Variants in NCOA2 observed in about 807,000 individuals in gnomAD.
NCOA2 encodes class E basic helix-loop-helix protein 75.
In NCOA2, 21 loss-of-function variants were observed where a neutral mutation model predicts 145.1. The observed-to-expected ratio is 0.14, with a 90% CI of 0.10 to 0.21. NCOA2 has a LOEUF of 0.21. NCOA2 is among the 10% of genes least tolerant of loss of function. NCOA2 has a pLI of 1.00. For missense variants in NCOA2, 1,472 were observed against 1,837.6 expected, an observed-to-expected ratio of 0.80 and a Z score of 3.64; for synonymous variants, 619 against 637.5, an observed-to-expected ratio of 0.97 and a Z score of 0.44.
rs775096856 is a variant in NCOA2 at position 70,156,005 on chromosome 8, T to C, written c.2360A>G (p.Glu787Gly). The C allele has an allele frequency of 2.5e-6, 4 of 1,595,610 alleles. No homozygotes were observed. The highest frequency in any genetic ancestry group is 1.7e-6 in the Non-Finnish European group (2 of 1,172,706). ...SNTKLIAMKT[E>G]KEEMSFEPGD... ...AGGCTCAAAGCTCATCTCCTCCTTC[T>C]CAGTTTTCATTGCTATTAATTTTGT... The change falls in exon 11 of 23, where the codon GAG (glutamate) becomes GGG (glycine). Residue 787 changes from glutamate to glycine, a missense_variant. By Grantham distance (98) the Glu-to-Gly change is moderately conservative (BLOSUM62 -2). Around this residue, in one of 4 missense-constraint regions of NCOA2, gnomAD observed 953 missense variants for 1,062.1 expected, o/e 0.90. Transcript: ENST00000452400.
At chr8:70,365,597 A>G (rs1810620996) in intron 1 of NCOA2, among the ~76,000 whole-genome samples, 1 of 152,242 alleles carries the variant, frequency 6.6e-6, no homozygotes, top group Admixed American at 6.5e-5. Context: ...CTCCCATCTT[A>G]TAAACTTCTA....
At position 70,387,200 on chromosome 8, in the gene NCOA2, A is replaced by T. The variant is rs1398174623; in HGVS notation, c.-77+16500T>A. On this transcript the variant is annotated intron_variant, in intron 1 of 22. Transcript: ENST00000452400. ...TACCTACTGTAGACAGAGTCTTGCTATGTTGTCAGGCTGCAGTACAGTGGC... is the reference window on the plus strand; with the variant it reads ...TACCTACTGTAGACAGAGTCTTGCTTTGTTGTCAGGCTGCAGTACAGTGGC... 5.9e-5 allele frequency among the ~76,000 whole-genome samples: 9 copies of T among 152,288 alleles called. No individual in the cohort carries two copies. In the South Asian group the frequency reaches 1.7e-3, roughly 28 times the overall value.
chr8:70,196,286 G>C (rs2133387545), intron 4 of NCOA2, among the ~76,000 whole-genome samples: 1 of 152,312 alleles, frequency 6.6e-6, no homozygotes, highest in South Asian at 2.1e-4. Flanking sequence ...TGAGGCACGA[G>C]AATCACTTGA....
chr8:70,161,278 A>C (rs1382018395), intron 9 of NCOA2, among the ~76,000 whole-genome samples: 1 of 152,042 alleles, frequency 6.6e-6, no homozygotes, highest in Non-Finnish European at 1.5e-5. Context: ...AAAGAATTAA[A>C]CTCAGGACCC....
At chr8:70,269,369 T>C (rs1200240323) in intron 2 of NCOA2, among the ~76,000 whole-genome samples, 5 of 152,118 alleles carry the variant, frequency 3.3e-5, no homozygotes, top group African/African-American at 4.8e-5. Context: ...CCCACTGCTT[T>C]GGGAGGCTAA....
At chr8:70,451,217 C>CAAAAAAAAAAAA in the NCOA2 span, among the ~76,000 whole-genome samples, 1 of 65,346 alleles carries the variant, frequency 1.5e-5, no homozygotes, top group African/African-American at 7.2e-5. Flanking sequence ...GACTCCGTCT[C>CAAAAAAAAAAAA]AAAAAAAAAA....
chr8:70,448,893 C>T, the NCOA2 span, among the ~76,000 whole-genome samples: 1 of 151,480 alleles, frequency 6.6e-6, no homozygotes, highest in African/African-American at 2.4e-5. Context: ...CAGCCTTGAT[C>T]TCCTGGACTC....
intron 11 of NCOA2, among the ~76,000 whole-genome samples, chr8:70,154,028 C>A (rs1812034937): frequency 6.6e-6 from 1 of 152,194 alleles, no homozygotes; most frequent in African/African-American, 2.4e-5. Flanking sequence ...TGGAGCCCAG[C>A]TAGAAGAGCA....
intron 22 of NCOA2, among the ~76,000 whole-genome samples, chr8:70,120,381 C>T (rs75308692): frequency 0.031 from 4,694 of 152,274 alleles, 232 homozygotes; most frequent in African/African-American, 0.11. Flanking sequence ...ACTAATTATT[C>T]TACAGTTTCA....
At chr8:70,133,771 G>T (rs776024881) in intron 15 of NCOA2, among the ~76,000 whole-genome samples, 3 of 152,210 alleles carry the variant, frequency 2.0e-5, no homozygotes, top group Non-Finnish European at 4.4e-5. Flanking sequence ...ATGCCATGTG[G>T]TTTTTAAATG....
intron 4 of NCOA2, among the ~76,000 whole-genome samples, chr8:70,210,824 A>G (rs1818941272): frequency 6.6e-6 from 1 of 152,140 alleles, no homozygotes; most frequent in South Asian, 2.1e-4. Context: ...CATGCAACCC[A>G]GTTTAACTTC....
chr8:70,241,191 T>C (rs773592670), intron 2 of NCOA2, among the ~76,000 whole-genome samples: 2 of 152,134 alleles, frequency 1.3e-5, no homozygotes, highest in Non-Finnish European at 2.9e-5. Context: ...GTAAAGGACC[T>C]TGGAAGCAGC....
At chr8:70,217,459 C>T (rs1265296052) in intron 2 of NCOA2, among the ~76,000 whole-genome samples, 4 of 152,080 alleles carry the variant, frequency 2.6e-5, no homozygotes, top group Non-Finnish European at 5.9e-5. Context: ...GTCACTTCCT[C>T]TCTCACATCC....
chr8:70,283,499 G>A (rs925272826), intron 2 of NCOA2, among the ~76,000 whole-genome samples: 2 of 152,120 alleles, frequency 1.3e-5, no homozygotes, highest in African/African-American at 2.4e-5. Context: ...GTGAATTACC[G>A]ACTCACTGAC....
intron 1 of NCOA2, among the ~76,000 whole-genome samples, chr8:70,372,545 T>C (rs1211897731): frequency 6.6e-6 from 1 of 152,220 alleles, no homozygotes; most frequent in Non-Finnish European, 1.5e-5. Context: ...GGTCATATTG[T>C]GTGGCTAGGA....
chr8:70,142,917 T>C (rs1358151352), intron 13 of NCOA2, among the ~76,000 whole-genome samples: 1 of 151,766 alleles, frequency 6.6e-6, no homozygotes, highest in Non-Finnish European at 1.5e-5. Context: ...CAATGATAAA[T>C]GGGAAAGTCC....
intron 1 of NCOA2, among the ~76,000 whole-genome samples, chr8:70,298,575 C>T (rs568959579): frequency 2.9e-4 from 44 of 152,174 alleles, no homozygotes; most frequent in Non-Finnish European, 5.6e-4. Flanking sequence ...TGCTGGCCTA[C>T]TTAAGCCCGT....
At chr8:70,410,620 C>T in the NCOA2 span, among the ~76,000 whole-genome samples, 12 of 152,132 alleles carry the variant, frequency 7.9e-5, no homozygotes, top group South Asian at 2.1e-4. Context: ...CAAGCATGGC[C>T]GATGTTTTAT....
chr8:70,253,905 A>G (rs1479244587), intron 2 of NCOA2, among the ~76,000 whole-genome samples: 1 of 152,202 alleles, frequency 6.6e-6, no homozygotes, highest in East Asian at 1.9e-4. Flanking sequence ...GATTTCATCA[A>G]AATTAAAAAT....
Sources: gnomAD v4.1 joint callset for allele counts (sites outside exome capture counted in the v4.1 genomes callset) on GRCh38, gnomAD v4.1.1 for gene constraint, gnomAD v4.1.1 regional missense constraint, MANE v1.5 for transcripts, NCBI Gene and HGNC (gene_info 2026-07-23, HGNC 2026-07-21) for gene names.